Variants in RASAL1 observed in about 807,000 individuals in gnomAD.
RASAL1 encodes RAS protein activator like 1.
RASAL1 carries 72 observed loss-of-function variants against 96.6 expected under a neutral mutation model. The ratio of observed to expected loss-of-function variants is 0.75; its 90% CI spans 0.62 to 0.91. RASAL1 has a LOEUF of 0.91. Among genes scored for constraint, RASAL1 ranks in the 40% least tolerant of loss-of-function variants. RASAL1 has a pLI of 0.00. For synonymous variants in RASAL1, 405 were observed against 430.4 expected, an observed-to-expected ratio of 0.94 and a Z score of 0.73; for missense variants, 1,016 against 1,072.5, an observed-to-expected ratio of 0.95 and a Z score of 0.74.
chr12:113,099,944 G>A lies in RASAL1; in HGVS notation c.2403C>T (p.Gly801=), dbSNP rs1433122638. ...TGGCATTTCCTTAGGGGCCAAGGGG[G>A]CCCAGGGCCGCCTTCCCTCGCTCCT... is the stretch of plus-strand genomic sequence containing the variant. ...QQQERGKAAL[G]PLGP The change falls in exon 21 of 21, where the codon GGC becomes GGT. Residue 801 remains glycine (G), a synonymous_variant. Coordinates refer to ENST00000548055, the MANE Select transcript of RASAL1 (RefSeq NM_001301202.2). 2 of 1,611,882 alleles carry A rather than the reference G, an allele frequency of 1.2e-6. No homozygotes were observed. The highest frequency in any genetic ancestry group is 1.7e-6 in the Non-Finnish European group (2 of 1,179,064).
chr12:113,135,479 C>A lies in RASAL1; in HGVS notation c.-17G>T. 2 of 1,598,824 alleles carry A rather than the reference C, an allele frequency of 1.3e-6. No homozygotes were observed. Among genetic ancestry groups the A allele is most frequent in the Non-Finnish European group, 1.7e-6 (2 of 1,173,502 alleles). The stretch of plus-strand genomic sequence containing the variant: ...CTTGGCCATGGCGCCTAGCCACAAA[C>A]TTTCCAGGCAGAAGGGCGCTCAGGT... On this transcript the variant is annotated 5_prime_UTR_variant, in exon 1 of 21. Coordinates refer to ENST00000548055, the MANE Select transcript of RASAL1 (RefSeq NM_001301202.2). The surrounding 1 kb of genome is among the most constrained non-coding windows in gnomAD (Gnocchi z 5.7).
At chr12:113,111,988 G>A (rs1382444569) in intron 13 of RASAL1, 98 bp downstream of exon 13, 6 of 1,075,252 alleles carry the variant, frequency 5.6e-6, no homozygotes, top group Non-Finnish European at 7.1e-6. Flanking sequence ...TCTAGTGCCG[G>A]CAGCCTAGGT....
intron 14 of RASAL1, chr12:113,107,515 C>T (rs1323988591): frequency 3.6e-6 from 2 of 561,668 alleles, no homozygotes; most frequent in Non-Finnish European, 6.7e-6. Flanking sequence ...TCCAGCTACT[C>T]CAGAAGCTGA....
intron 8 of RASAL1, 60 bp downstream of exon 8, chr12:113,117,013 G>A: frequency 7.2e-7 from 1 of 1,391,416 alleles, no homozygotes; most frequent in Admixed American, 2.1e-5. Flanking sequence ...CTGCCCGCAA[G>A]CTGTGGATGC....
intron 4 of RASAL1, among the ~76,000 whole-genome samples, chr12:113,126,891 C>T (rs1167348806): frequency 6.7e-6 from 1 of 149,104 alleles, no homozygotes. Context: ...TTATGATGAA[C>T]CTACATCACT....
chr12:113,107,715 C>T (rs548139050), intron 14 of RASAL1: 79 of 392,532 alleles, frequency 2.0e-4, no homozygotes, highest in Admixed American at 9.7e-4. Flanking sequence ...TCCCCACTAA[C>T]CTTATTCTGT....
At chr12:113,105,032 T>C (rs1004382020) in intron 16 of RASAL1, among the ~76,000 whole-genome samples, 2 of 152,230 alleles carry the variant, frequency 1.3e-5, no homozygotes, top group Non-Finnish European at 2.9e-5. Flanking sequence ...GGACCCAAAA[T>C]TGGAACCCAG....
At chr12:113,106,842 G>C (rs1416372795) in intron 15 of RASAL1, among the ~76,000 whole-genome samples, 1 of 152,174 alleles carries the variant, frequency 6.6e-6, no homozygotes, top group Non-Finnish European at 1.5e-5. Flanking sequence ...ATAGATGTTT[G>C]TCAATGGCAT....
chr12:113,135,379 G>A lies in RASAL1; in HGVS notation c.65+19C>T. On this transcript the variant is annotated intron_variant, in intron 1 of 20. Transcript: ENST00000548055. The surrounding 1 kb of genome is among the most constrained non-coding windows in gnomAD (Gnocchi z 5.7). ...GGCCTTGCGCGCCCCTCACCCAGAA[G>A]CGCCCGAGGAGTACTCACACGTCCT... is the stretch of plus-strand genomic sequence containing the variant. 1 of 1,602,152 alleles carries A rather than the reference G, an allele frequency of 6.2e-7. No individual in the cohort carries two copies. Among genetic ancestry groups the A allele is most frequent in the Non-Finnish European group, 8.5e-7 (1 of 1,175,060 alleles).
In RASAL1 at chr12:113,108,214, C is replaced by G. The variant is rs1286342193; in HGVS notation, c.1383G>C (p.Lys461Asn). ...RFPQAEHQDV[K>N]YLAISGFLFL... ...AGAGAAATCCACTGATGGCCAGGTACTTCACATCCTGCTGGGAGGAGCAGA... is the reference window on the plus strand; with the variant it reads ...AGAGAAATCCACTGATGGCCAGGTAGTTCACATCCTGCTGGGAGGAGCAGA... Residue 461 changes from lysine to asparagine, a missense_variant, in exon 14 of 21, where the codon AAG (lysine) becomes AAC (asparagine). Transcript: ENST00000548055. The G allele has an allele frequency of 6.2e-7, 1 of 1,611,656 alleles. No homozygotes were observed. Among genetic ancestry groups the G allele is most frequent in the African/African-American group, 1.3e-5 (1 of 75,068 alleles).
At position 113,107,132 on chromosome 12, in the gene RASAL1, A is replaced by C; in HGVS notation, c.1622T>G (p.Phe541Cys). Residue 541 changes from phenylalanine (F) to cysteine (C), a missense_variant, in exon 15 of 21, where the codon TTC becomes TGC. Transcript: ENST00000548055. ...LLQCVSRVRD[F>C]LDRLVDVDGD... ...ATCCACATCCACCAGCCGGTCCAGG[A>C]AGTCTCTCACACGTGAGACACACTG... 6.2e-7 allele frequency: 1 copy of C among 1,613,698 alleles called. No homozygotes were observed. Among genetic ancestry groups the C allele is most frequent in the Non-Finnish European group, 8.5e-7 (1 of 1,179,738 alleles).
In RASAL1 at chr12:113,100,644, A is replaced by G. The variant is rs1021053360; in HGVS notation, c.2262T>C (p.Thr754=). ...KLLEDSNMDT[T]LEADTGACPE... ...AGCCCTTACCTGTGTCTGCCTCCAG[A>G]GTTGTATCCATGTTAGAATCCTCCA... Residue 754 remains threonine, a synonymous_variant, in exon 20 of 21, where the codon ACT becomes ACC. Coordinates refer to ENST00000548055, the MANE Select transcript of RASAL1 (RefSeq NM_001301202.2). 13 of 1,610,338 alleles carry G rather than the reference A, an allele frequency of 8.1e-6. No individual in the cohort carries two copies. The highest frequency in any genetic ancestry group is 6.7e-5 in the African/African-American group (5 of 74,822).
rs1951886613 is a variant in RASAL1 at position 113,135,646 on chromosome 12, A to T, written c.-184T>A. 1.7e-6 allele frequency: 1 copy of T among 585,204 alleles called. No homozygotes were observed. Among genetic ancestry groups the T allele is most frequent in the African/African-American group, 1.9e-5 (1 of 53,122 alleles). The allele number at this position is 585,204 out of a possible 1,614,324, so 36.3% of individuals were successfully genotyped here. ...GAGGAGAAGGTGTAGGTGCCCGGGG[A>T]GGGAGCGCCCGTCCGGACTCTACAG... On this transcript the variant is annotated 5_prime_UTR_variant, in exon 1 of 21. Transcript: ENST00000548055. The surrounding 1 kb of genome is among the most constrained non-coding windows in gnomAD (Gnocchi z 5.7).
intron 14 of RASAL1, 120 bp from the exon 15 acceptor site, chr12:113,107,361 G>A (rs924010338): frequency 4.9e-5 from 59 of 1,200,330 alleles, no homozygotes; most frequent in Non-Finnish European, 6.2e-5. Context: ...AGTGGCTCAT[G>A]CCTGTAATCC....
chr12:113,106,095 C>A (rs1950635722), intron 15 of RASAL1, among the ~76,000 whole-genome samples: 1 of 152,138 alleles, frequency 6.6e-6, no homozygotes, highest in Non-Finnish European at 1.5e-5. Context: ...GCAGAGTAGC[C>A]CTTGAAGACC....
chr12:113,116,597 G>T (rs1200446428), intron 8 of RASAL1, among the ~76,000 whole-genome samples: 1 of 152,210 alleles, frequency 6.6e-6, no homozygotes, highest in Non-Finnish European at 1.5e-5. Flanking sequence ...AAACAGGCAG[G>T]TGTGGCCAGA....
chr12:113,114,440 C>T (rs903784047), intron 12 of RASAL1, among the ~76,000 whole-genome samples: 1 of 148,298 alleles, frequency 6.7e-6, no homozygotes, highest in Non-Finnish European at 1.5e-5. Flanking sequence ...CACCACTGCA[C>T]CCCAGCCTGG....
chr12:113,134,091 A>C (rs1295444920), intron 1 of RASAL1, among the ~76,000 whole-genome samples: 1 of 151,970 alleles, frequency 6.6e-6, no homozygotes, highest in African/African-American at 2.4e-5. Flanking sequence ...ATGCCCTAAC[A>C]GTGTAGGCCG....
intron 1 of RASAL1, among the ~76,000 whole-genome samples, chr12:113,131,968 C>CTT (rs34936583): frequency 1.1e-3 from 128 of 118,692 alleles, no homozygotes; most frequent in African/African-American, 1.4e-3. Context: ...TCTTCTTCTT[C>CTT]TTTTTTTTTT....
Sources: gnomAD v4.1 joint callset for allele counts (sites outside exome capture counted in the v4.1 genomes callset) on GRCh38, gnomAD v4.1.1 for gene constraint, Gnocchi (gnomAD v3.1) non-coding constraint, MANE v1.5 for transcripts, NCBI Gene and HGNC (gene_info 2026-07-23, HGNC 2026-07-21) for gene names.